CACNA1A: variants seen among roughly 807,000 people sequenced by gnomAD.
CACNA1A encodes voltage-dependent P/Q-type calcium channel subunit alpha-1A.
CACNA1A carries 57 observed loss-of-function variants against 262.4 expected under a neutral mutation model. That is an observed-to-expected ratio of 0.22 (90% CI 0.18 to 0.27). The LOEUF is 0.27. Among genes scored for constraint, CACNA1A ranks in the 10% least tolerant of loss-of-function variants. The probability of loss-of-function intolerance (pLI) is 1.00; values close to 1 mark genes in which losing one functional copy is unlikely to be tolerated. For synonymous variants in CACNA1A, 1,431 were observed against 1,419.3 expected (o/e 1.01, Z -0.18); for missense variants, 2,526 against 3,562.8 (o/e 0.71, Z 7.41).
At chr19:13,453,398 T>C (rs551997005) in intron 2 of CACNA1A, among the ~76,000 whole-genome samples, 2 of 152,378 alleles carry the variant, frequency 1.3e-5, no homozygotes, top group South Asian at 2.1e-4. Context: ...ACATTTCAAG[T>C]GACAATCCTA....
At chr19:13,458,908 G>A (rs2061065237) in intron 1 of CACNA1A, among the ~76,000 whole-genome samples, 1 of 152,166 alleles carries the variant, frequency 6.6e-6, no homozygotes, top group Non-Finnish European at 1.5e-5. Context: ...AAAGCCATAG[G>A]GTGTTGGTTA....
chr19:13,413,742 G>A (rs1033272064), intron 3 of CACNA1A, among the ~76,000 whole-genome samples: 11 of 150,614 alleles, frequency 7.3e-5, no homozygotes, highest in African/African-American at 2.7e-4. Context: ...ATTGCCGGGT[G>A]TGGTGCCAGG....
intron 10 of CACNA1A, among the ~76,000 whole-genome samples, chr19:13,326,173 G>A (rs2058358314): frequency 6.6e-6 from 1 of 151,962 alleles, no homozygotes; most frequent in Non-Finnish European, 1.5e-5. Flanking sequence ...AAAATTGGCA[G>A]GGCGTGGTGG....
intron 6 of CACNA1A, among the ~76,000 whole-genome samples, chr19:13,343,712 A>G (rs897767548): frequency 3.9e-5 from 6 of 152,206 alleles, no homozygotes; most frequent in African/African-American, 7.2e-5. Context: ...GATATTACGC[A>G]ACATGCTCCT....
rs2054721635 is a variant in CACNA1A at position 13,209,480 on chromosome 19, G to A, written c.6358C>T (p.Pro2120Ser). The change falls in exon 45 of 47, where the codon CCC becomes TCC. Residue 2120 changes from proline (P) to serine (S), a missense_variant. By Grantham distance (74) the Pro-to-Ser change is moderately conservative (BLOSUM62 -1). Transcript: ENST00000360228. ...AGCACGGAGGCTGAACGCTTCATGGGGCTGGTGTCTGAGATGGTCTGGGGG... is the reference window on the plus strand; with the variant it reads ...AGCACGGAGGCTGAACGCTTCATGGAGCTGGTGTCTGAGATGGTCTGGGGG... ...NNLSTISDTS[P>S]MKRSASVLGP... 3 of 1,337,028 alleles carry A rather than the reference G, an allele frequency of 2.2e-6. No homozygotes were observed. The highest frequency in any genetic ancestry group is 2.4e-5 in the South Asian group (1 of 41,912). 82.8% of individuals were successfully genotyped at this position (1,337,028 alleles called of 1,614,324 possible).
chr19:13,270,248 C>T (rs2056983822), intron 24 of CACNA1A, among the ~76,000 whole-genome samples: 1 of 152,118 alleles, frequency 6.6e-6, no homozygotes, highest in South Asian at 2.1e-4. Context: ...ACTTGCACAT[C>T]TAGAGAGAAA....
intron 1 of CACNA1A, among the ~76,000 whole-genome samples, chr19:13,490,900 GGAAGGAA>G (rs1387436161): frequency 7.1e-6 from 1 of 141,446 alleles, no homozygotes; most frequent in Non-Finnish European, 1.5e-5. Context: ...AAAGGAGTAA[GGAAGGAA>G]GAAGGAAGGG....
intron 4 of CACNA1A, chr19:13,366,408 T>C (rs1337328024): frequency 1.3e-5 from 2 of 152,156 alleles, no homozygotes; most frequent in Non-Finnish European, 2.9e-5. Flanking sequence ...TGAGCTATGA[T>C]TGTGCCACTG....
Position 13,506,341 on chromosome 19 carries a change from G to T in CACNA1A, c.-117C>A. 1.0e-6 allele frequency: 1 copy of T among 955,640 alleles called. No homozygotes were observed. Among genetic ancestry groups the T allele is most frequent in the Non-Finnish European group, 1.4e-6 (1 of 698,794 alleles). The allele number at this position is 955,640 out of a possible 1,614,324, so 59.2% of individuals were successfully genotyped here. On this transcript the variant is annotated 5_prime_UTR_variant, in exon 1 of 47. Transcript: ENST00000360228. Reference sequence around the variant, plus strand: ...CGGGGCTGGGAGCGCGGCGGCTGGAGCTACGACTGCGGAGACGCTCCACGG... The same window carrying T: ...CGGGGCTGGGAGCGCGGCGGCTGGATCTACGACTGCGGAGACGCTCCACGG...
At chr19:13,338,172 A>G (rs140595429) in intron 6 of CACNA1A, among the ~76,000 whole-genome samples, 2,246 of 152,220 alleles carry the variant, frequency 0.015, 50 homozygotes, top group African/African-American at 0.052. Context: ...CGGAGATCAC[A>G]CCACTGCACT....
intron 17 of CACNA1A, 47 bp downstream of exon 17, chr19:13,303,499 G>A (rs1263052091): frequency 1.1e-6 from 1 of 926,914 alleles, no homozygotes. Context: ...GATCTGCCAT[G>A]GGCAGGTGGT....
intron 1 of CACNA1A, among the ~76,000 whole-genome samples, chr19:13,487,570 G>A (rs1224593227): frequency 1.3e-5 from 2 of 151,786 alleles, no homozygotes; most frequent in Non-Finnish European, 2.9e-5. Flanking sequence ...GAGAGGTGAT[G>A]GTTGCACAAC....
At position 13,209,325 on chromosome 19, in the gene CACNA1A, G is replaced by A. The variant is rs756597852; in HGVS notation, c.6513C>T (p.Thr2171=). 1.1e-5 allele frequency: 16 copies of A among 1,400,588 alleles called. No homozygotes were observed. The highest frequency in any genetic ancestry group is 3.4e-5 in the South Asian group (2 of 59,326). 86.8% of individuals were successfully genotyped at this position (1,400,588 alleles called of 1,614,324 possible). A position where few individuals can be genotyped will look rare whatever the true frequency, so the allele number is the denominator to read the frequency against. ...RASERSLGRY[T]DVDTGLGTDL... ...AGGGCTGCCCACCTGTGTCCACATC[G>A]GTGTAGCGGCCCAGGGAGCGCTCAG... Residue 2171 remains threonine, a synonymous_variant, in exon 45 of 47, where the codon ACC becomes ACT. Transcript: ENST00000360228.
rs537146530 is a variant in CACNA1A at position 13,210,541 on chromosome 19, G to A, written c.6339+76C>T. 1.5e-5 allele frequency: 20 copies of A among 1,332,858 alleles called. No homozygotes were observed. The East Asian group carries it at 3.0e-4, about 20-fold the overall frequency. 82.6% of individuals were successfully genotyped at this position (1,332,858 alleles called of 1,614,324 possible). A position where few individuals can be genotyped will look rare whatever the true frequency, so the allele number is the denominator to read the frequency against. On this transcript the variant is annotated intron_variant, in intron 44 of 46. Coordinates refer to ENST00000360228, the MANE Select transcript of CACNA1A (RefSeq NM_001127222.2). Reference sequence around the variant, plus strand: ...GGGTCCGGGGACGGTGAGAGATGACGGGACTCCCTGGAGGGGGGGTGGGGA... The same window carrying A: ...GGGTCCGGGGACGGTGAGAGATGACAGGACTCCCTGGAGGGGGGGTGGGGA...
intron 25 of CACNA1A, chr19:13,262,476 C>A (rs184867118): frequency 4.6e-5 from 19 of 413,558 alleles, no homozygotes; most frequent in African/African-American, 3.0e-4. Flanking sequence ...TGCCTTCATG[C>A]GAATTAGGAA....
rs1226290797 is a variant in CACNA1A, at chr19:13,214,174, T to G, written c.5940+59A>C. The G allele has an allele frequency of 2.9e-6, 4 of 1,392,660 alleles. No homozygotes were observed. Among genetic ancestry groups the G allele is most frequent in the Non-Finnish European group, 4.0e-6 (4 of 1,007,286 alleles). 86.3% of individuals were successfully genotyped at this position (1,392,660 alleles called of 1,614,324 possible). ...ACCCTCATATTCCAGTTGGTTCCCGTGGTGACATGCAAGCCACTGTCCCCA... is the reference window on the plus strand; with the variant it reads ...ACCCTCATATTCCAGTTGGTTCCCGGGGTGACATGCAAGCCACTGTCCCCA... On this transcript the variant is annotated intron_variant, in intron 40 of 46. Coordinates refer to ENST00000360228, the MANE Select transcript of CACNA1A (RefSeq NM_001127222.2). The surrounding 1 kb of genome is among the most constrained non-coding windows in gnomAD (Gnocchi z 4.1).
chr19:13,399,854 G>A (rs1413399791), intron 3 of CACNA1A, among the ~76,000 whole-genome samples: 1 of 152,166 alleles, frequency 6.6e-6, no homozygotes, highest in Non-Finnish European at 1.5e-5. Context: ...AGTAACAGTA[G>A]AAGATTTCAG....
chr19:13,364,164 G>C (rs2059163741), intron 5 of CACNA1A: 4 of 152,332 alleles, frequency 2.6e-5, no homozygotes, highest in Admixed American at 2.0e-4. Flanking sequence ...GCTGCTGAGT[G>C]CTAGGTTCTG....
chr19:13,350,299 A>G (rs2145208400), intron 6 of CACNA1A, among the ~76,000 whole-genome samples: 1 of 152,124 alleles, frequency 6.6e-6, no homozygotes, highest in East Asian at 1.9e-4. Context: ...GATGGTGAGA[A>G]CTCCAGTTAC....
Sources: allele counts gnomAD v4.1 joint callset (sites outside exome capture counted in the v4.1 genomes callset), GRCh38; gene constraint gnomAD v4.1.1; non-coding constraint Gnocchi (gnomAD v3.1); transcripts MANE v1.5; gene names NCBI Gene and HGNC (gene_info 2026-07-23, HGNC 2026-07-21).